The following UNC5C variants were observed in gnomAD, a reference collection of about 807,000 sequenced individuals.
UNC5C encodes unc-5 netrin receptor C.
Under a neutral mutation model 99.8 loss-of-function variants are expected in UNC5C, and 47 were observed. The observed-to-expected ratio is 0.47, with a 90% CI of 0.37 to 0.60. The LOEUF is 0.60. Among genes scored for constraint, UNC5C ranks in the 20% least tolerant of loss-of-function variants. The pLI, the probability that UNC5C is intolerant of heterozygous loss-of-function variation, is 0.00. For synonymous variants in UNC5C, 487 were observed against 452.2 expected (o/e 1.08, Z -0.98); for missense variants, 1,062 against 1,165.9 (o/e 0.91, Z 1.30).
intron 1 of UNC5C, among the ~76,000 whole-genome samples, chr4:95,515,479 T>A (rs1232235518): frequency 6.6e-6 from 1 of 152,242 alleles, no homozygotes. Context: ...TAGCTTGAAC[T>A]TTAAGGTATT....
chr4:95,335,731 T>A, intron 1 of UNC5C, 100 bp from the exon 2 acceptor site: 1 of 949,578 alleles, frequency 1.1e-6, no homozygotes, highest in Non-Finnish European at 1.6e-6. Flanking sequence ...ATGCAGTAAT[T>A]AAGTGATTTG....
intron 12 of UNC5C, among the ~76,000 whole-genome samples, chr4:95,191,332 G>C (rs1222167307): frequency 1.3e-5 from 2 of 152,158 alleles, no homozygotes; most frequent in Admixed American, 6.5e-5. Context: ...GAGCCCCCAG[G>C]CAACAGAGTG....
At chr4:95,391,684 T>A (rs1389185578) in intron 1 of UNC5C, among the ~76,000 whole-genome samples, 1 of 150,618 alleles carries the variant, frequency 6.6e-6, no homozygotes, top group African/African-American at 2.4e-5. Flanking sequence ...ACTATTTTAA[T>A]GATGACCAAT....
intron 15 of UNC5C, among the ~76,000 whole-genome samples, chr4:95,169,934 G>C (rs1052504761): frequency 6.6e-6 from 1 of 152,164 alleles, no homozygotes; most frequent in East Asian, 1.9e-4. Flanking sequence ...CACAAAACTT[G>C]ATACTTACCA....
chr4:95,320,422 C>CAAAAAAAAAAAAA (rs34842898), intron 2 of UNC5C, among the ~76,000 whole-genome samples: 6 of 94,874 alleles, frequency 6.3e-5, no homozygotes, highest in Non-Finnish European at 8.3e-5. Context: ...AATTCCATCT[C>CAAAAAAAAAAAAA]AAAAAAAAAA....
chr4:95,365,812 T>C (rs1220534809), intron 1 of UNC5C, among the ~76,000 whole-genome samples: 1 of 152,182 alleles, frequency 6.6e-6, no homozygotes, highest in East Asian at 1.9e-4. Flanking sequence ...TGATGATTTC[T>C]AGAGATCTGA....
intron 1 of UNC5C, among the ~76,000 whole-genome samples, chr4:95,378,632 T>C (rs972425681): frequency 1.3e-5 from 2 of 152,206 alleles, no homozygotes; most frequent in African/African-American, 4.8e-5. Context: ...GATATTTATT[T>C]AATGAATGAA....
intron 3 of UNC5C, among the ~76,000 whole-genome samples, chr4:95,290,043 C>G (rs1206015041): frequency 3.3e-5 from 5 of 152,020 alleles, no homozygotes; most frequent in African/African-American, 7.3e-5. Context: ...GTGGCTCATA[C>G]CTATAATCCC....
intron 4 of UNC5C, among the ~76,000 whole-genome samples, chr4:95,261,885 A>G (rs1740249181): frequency 6.6e-6 from 1 of 151,908 alleles, no homozygotes; most frequent in Admixed American, 6.6e-5. Context: ...TTCTATTTTT[A>G]CTAGAGATGG....
intron 12 of UNC5C, among the ~76,000 whole-genome samples, chr4:95,192,764 A>G (rs1354971639): frequency 1.3e-5 from 2 of 151,300 alleles, no homozygotes; most frequent in African/African-American, 4.8e-5. Flanking sequence ...CTTGCCCTGC[A>G]TAACAACTTG....
chr4:95,391,100 C>A (rs951335835), intron 1 of UNC5C, among the ~76,000 whole-genome samples: 1 of 152,188 alleles, frequency 6.6e-6, no homozygotes, highest in East Asian at 1.9e-4. Flanking sequence ...CTGCCTGTTG[C>A]CATGCAAGAT....
chr4:95,223,867 G>A (rs1738569075), intron 7 of UNC5C, among the ~76,000 whole-genome samples: 4 of 152,160 alleles, frequency 2.6e-5, no homozygotes, highest in African/African-American at 9.7e-5. Flanking sequence ...CATCTTCCTG[G>A]AAGTGATGAT....
At chr4:95,548,664 G>A (rs1247635115) in intron 1 of UNC5C, 70 bp downstream of exon 1, 14 of 1,552,254 alleles carry the variant, frequency 9.0e-6, no homozygotes, top group African/African-American at 1.4e-5. Flanking sequence ...AGAGAACTGG[G>A]GAGGAGGAGA....
chr4:95,209,797 G>T (rs1001684206), intron 10 of UNC5C, among the ~76,000 whole-genome samples: 2 of 152,136 alleles, frequency 1.3e-5, no homozygotes, highest in Admixed American at 1.3e-4. Context: ...CTGCCTTAAG[G>T]AGTGACTTTA....
chr4:95,311,194 C>A lies in UNC5C; in HGVS notation c.347-9445G>T, dbSNP rs148168029. Among the ~76,000 whole-genome samples the A allele has an allele frequency of 8.2e-4, 125 of 152,186 alleles. 2 individuals carry two copies. The highest frequency in any genetic ancestry group is 2.6e-3 in the African/African-American group (108 of 41,536). ...TTAACTTTGGTGATTAAAAAAAAAT[C>A]TTTCAAATGTGTGCAAAGAAGACTT... is the stretch of plus-strand genomic sequence containing the variant. On this transcript the variant is annotated intron_variant, in intron 2 of 15. Coordinates refer to ENST00000453304, the MANE Select transcript of UNC5C (RefSeq NM_003728.4).
In UNC5C at chr4:95,548,851, T is replaced by A. The variant is rs757386410; in HGVS notation, c.7A>T (p.Lys3Ter). 2.5e-6 allele frequency: 4 copies of A among 1,612,724 alleles called. No individual in the cohort carries two copies. Among genetic ancestry groups the A allele is most frequent in the Non-Finnish European group, 1.7e-6 (2 of 1,179,708 alleles). MR[K>*]GLRATAARCG... ...CGGGCCGCTGTCGCCCGCAGACCTT[T>A]CCTCATCGTAGACAGAGGTGTGCCG... Residue 3 changes from lysine to a stop codon, truncating the protein, a stop_gained, in exon 1 of 16, where the codon AAA (lysine) becomes TAA (stop). Coordinates refer to ENST00000453304, the MANE Select transcript of UNC5C (RefSeq NM_003728.4). LOFTEE classifies it high-confidence loss of function.
intron 1 of UNC5C, among the ~76,000 whole-genome samples, chr4:95,439,406 TCTC>T (rs1299334973): frequency 6.6e-6 from 1 of 151,322 alleles, no homozygotes; most frequent in Non-Finnish European, 1.5e-5. Flanking sequence ...TGTTTCCTCT[TCTC>T]CTTCTTATGT....
At chr4:95,342,557 G>GGCTTCAGACTGAGCTTCAGACTCAGAGA in intron 1 of UNC5C, among the ~76,000 whole-genome samples, 1 of 151,944 alleles carries the variant, frequency 6.6e-6, no homozygotes, top group Non-Finnish European at 1.5e-5. Flanking sequence ...TCAGAGACGT[G>GGCTTCAGACTGAGCTTCAGACTCAGAGA]CTGGCTTCAT....
intron 7 of UNC5C, among the ~76,000 whole-genome samples, chr4:95,222,829 C>A (rs1160568437): frequency 6.6e-6 from 1 of 152,206 alleles, no homozygotes; most frequent in East Asian, 1.9e-4. Context: ...TTGTTTCTTG[C>A]CCCCTTCATT....
Sources: gnomAD v4.1 joint callset for allele counts (sites outside exome capture counted in the v4.1 genomes callset) on GRCh38, gnomAD v4.1.1 for gene constraint, MANE v1.5 for transcripts, NCBI Gene and HGNC (gene_info 2026-07-23, HGNC 2026-07-21) for gene names.